The following INVS variants were observed in gnomAD, a reference collection of about 807,000 sequenced individuals.
INVS encodes inversion of embryo turning homolog.
In INVS, 86 loss-of-function variants were observed where a neutral mutation model predicts 108.8. That is an observed-to-expected ratio of 0.79 (90% CI 0.66 to 0.95). The LOEUF is 0.95. Ranked by LOEUF, INVS falls within the 40% of genes least tolerant of loss-of-function variation. The probability of loss-of-function intolerance (pLI) is 0.00; values close to 1 mark genes in which losing one functional copy is unlikely to be tolerated. For synonymous variants in INVS, 455 were observed against 473.5 expected, an observed-to-expected ratio of 0.96 and a Z score of 0.51; for missense variants, 1,169 against 1,297.4, an observed-to-expected ratio of 0.90 and a Z score of 1.52.
chr9:100,131,622 T>C (rs1402230503), intron 3 of INVS, among the ~76,000 whole-genome samples: 1 of 152,214 alleles, frequency 6.6e-6, no homozygotes, highest in East Asian at 1.9e-4. Flanking sequence ...CTCTGACTTC[T>C]ACTGATACAT....
At chr9:100,270,587 A>G (rs1159716250) in intron 11 of INVS, among the ~76,000 whole-genome samples, 2 of 152,076 alleles carry the variant, frequency 1.3e-5, no homozygotes, top group Non-Finnish European at 2.9e-5. Flanking sequence ...TCTACTAAAA[A>G]TACAAAAAAA....
At chr9:100,162,129 A>C (rs763537715) in intron 3 of INVS, among the ~76,000 whole-genome samples, 4 of 152,242 alleles carry the variant, frequency 2.6e-5, no homozygotes, top group Non-Finnish European at 4.4e-5. Context: ...CTGGTAGCAC[A>C]ATCAACTAGA....
At chr9:100,125,847 G>A (rs1020572263) in intron 2 of INVS, among the ~76,000 whole-genome samples, 2 of 151,846 alleles carry the variant, frequency 1.3e-5, no homozygotes, top group Non-Finnish European at 2.9e-5. Context: ...CACCACGCCT[G>A]GCTAATTTTT....
chr9:100,102,214 C>T (rs1208392294), intron 1 of INVS, among the ~76,000 whole-genome samples: 1 of 152,254 alleles, frequency 6.6e-6, no homozygotes, highest in South Asian at 2.1e-4. Flanking sequence ...TCTCCCACCT[C>T]AGCCTCCTGA....
chr9:100,236,714 T>A (rs1176738488), intron 5 of INVS, among the ~76,000 whole-genome samples: 1 of 152,210 alleles, frequency 6.6e-6, no homozygotes, highest in African/African-American at 2.4e-5. Flanking sequence ...GATTGCTGCC[T>A]GTTCTTTCCT....
chr9:100,138,176 C>T (rs1828293173), intron 3 of INVS, among the ~76,000 whole-genome samples: 1 of 152,170 alleles, frequency 6.6e-6, no homozygotes, highest in Non-Finnish European at 1.5e-5. Flanking sequence ...GAGGCTGAGG[C>T]AGGTGGATCA....
chr9:100,220,974 C>G (rs1425408071), intron 3 of INVS, among the ~76,000 whole-genome samples: 1 of 140,900 alleles, frequency 7.1e-6, no homozygotes, highest in East Asian at 2.2e-4. Flanking sequence ...GACTCTGTCC[C>G]AAAAAAAAAA....
intron 1 of INVS, among the ~76,000 whole-genome samples, chr9:100,100,962 TATAA>T (rs1169209278): frequency 3.1e-4 from 13 of 41,976 alleles, no homozygotes; most frequent in East Asian, 5.8e-3. Flanking sequence ...ATATTATATA[TATAA>T]TATATATTAT....
chr9:100,228,978 T>C (rs1588105739), intron 4 of INVS, among the ~76,000 whole-genome samples: 1 of 152,232 alleles, frequency 6.6e-6, no homozygotes, highest in Non-Finnish European at 1.5e-5. Context: ...TTAGTACTTT[T>C]TCCGTCTTAA....
chr9:100,219,890 A>G (rs1016304387), intron 3 of INVS, among the ~76,000 whole-genome samples: 2 of 106,574 alleles, frequency 1.9e-5, no homozygotes, highest in African/African-American at 6.0e-5. Context: ...GGATATATAT[A>G]TATATATATG....
intron 4 of INVS, 148 bp from the exon 5 acceptor site, chr9:100,229,512 A>G (rs1831439455): frequency 2.8e-6 from 2 of 706,202 alleles, no homozygotes; most frequent in Non-Finnish European, 5.1e-6. Flanking sequence ...CTTCGGTTGA[A>G]CACAGAGACC....
In INVS at chr9:100,207,236, A is replaced by T. The variant is rs1415319442; in HGVS notation, c.274-18826A>T. 2.0e-5 allele frequency among the ~76,000 whole-genome samples: 3 copies of T among 152,152 alleles called. No homozygotes were observed. In the South Asian group the frequency reaches 6.2e-4, roughly 32 times the overall value. Reference sequence around the variant, plus strand: ...ACCACTCACACCTGAGTTGGTTGTTATGATGATGGCTGCCACATGAAAGAG... The same window carrying T: ...ACCACTCACACCTGAGTTGGTTGTTTTGATGATGGCTGCCACATGAAAGAG... On this transcript the variant is annotated intron_variant, in intron 3 of 16. Coordinates refer to ENST00000262457, the MANE Select transcript of INVS (RefSeq NM_014425.5).
intron 10 of INVS, among the ~76,000 whole-genome samples, chr9:100,256,206 G>A (rs534202777): frequency 9.8e-5 from 15 of 152,310 alleles, no homozygotes; most frequent in African/African-American, 3.6e-4. Context: ...TTGCATAGAA[G>A]TGTTTATAGT....
intron 3 of INVS, among the ~76,000 whole-genome samples, chr9:100,211,757 G>T (rs1458462556): frequency 6.6e-6 from 1 of 152,214 alleles, no homozygotes; most frequent in Non-Finnish European, 1.5e-5. Context: ...CTTGGCTGAT[G>T]TATTGTCTAG....
chr9:100,104,725 T>G, intron 2 of INVS, 98 bp downstream of exon 2: 1 of 779,296 alleles, frequency 1.3e-6, no homozygotes, highest in Non-Finnish European at 2.3e-6. Flanking sequence ...CTCATACATT[T>G]TAATGGAAAT....
rs1456443297 is a variant in INVS, at chr9:100,301,274, C to CATAG, written c.*604_*607dup. ...TTCATTTAGAAATTGTCCAAAAGAC[C>CATAG]ATAGATACATTCTGGTGATTCCTTA... is the stretch of plus-strand genomic sequence containing the variant. On this transcript the variant is annotated 3_prime_UTR_variant, in exon 17 of 17. Transcript: ENST00000262457. 2.6e-5 allele frequency among the ~76,000 whole-genome samples: 4 copies of CATAG among 151,886 alleles called. No homozygotes were observed. The highest frequency in any genetic ancestry group is 9.7e-5 in the African/African-American group (4 of 41,320).
chr9:100,250,178 A>G (rs1832183033), intron 8 of INVS, among the ~76,000 whole-genome samples: 1 of 152,174 alleles, frequency 6.6e-6, no homozygotes, highest in South Asian at 2.1e-4. Context: ...AAGTTTATAT[A>G]GAAACTTAAT....
chr9:100,114,425 A>G (rs1262336147), intron 2 of INVS, among the ~76,000 whole-genome samples: 5 of 121,512 alleles, frequency 4.1e-5, no homozygotes, highest in African/African-American at 1.6e-4. Flanking sequence ...TTTTTGAGAC[A>G]GAGTCTCACT....
intron 3 of INVS, chr9:100,175,766 G>A: frequency 1.6e-6 from 1 of 634,422 alleles, no homozygotes. Context: ...GGGGCAACCA[G>A]ACCTGGAACA....
Sources: gnomAD v4.1 joint callset for allele counts (sites outside exome capture counted in the v4.1 genomes callset) on GRCh38, gnomAD v4.1.1 for gene constraint, MANE v1.5 for transcripts, NCBI Gene and HGNC (gene_info 2026-07-23, HGNC 2026-07-21) for gene names.